Variants in EXD3 observed in about 807,000 individuals in gnomAD.
EXD3 encodes exonuclease 3'-5' domain containing 3, also known as exonuclease mut-7 homolog.
Under a neutral mutation model 98.0 loss-of-function variants are expected in EXD3, and 92 were observed. The observed-to-expected ratio is 0.94, with a 90% CI of 0.79 to 1.12. The LOEUF (loss-of-function observed/expected upper bound fraction) is 1.12. Among genes scored for constraint, EXD3 ranks in the 50% most tolerant of loss-of-function variants. EXD3 has a pLI of 0.00. For missense variants in EXD3, 1,222 were observed against 1,191.6 expected, an observed-to-expected ratio of 1.03 and a Z score of -0.38; for synonymous variants, 569 against 526.0, an observed-to-expected ratio of 1.08 and a Z score of -1.12.
chr9:137,307,255 G>A lies in EXD3; in HGVS notation c.2326C>T (p.Pro776Ser). ...GTGCAGCCCTCAGGGGCTGCGTCTG[G>A]GGCTGGGCCTGGACAGATAGAAGTG... Reference protein sequence around the residue: ...SQAVQEPGPAPDAAPEGCTYD... With the variant: ...SQAVQEPGPASDAAPEGCTYD... The change falls in exon 22 of 22, where the codon CCA becomes TCA. Residue 776 changes from proline to serine, a missense_variant. Pro to Ser is a moderately conservative substitution (Grantham distance 74, BLOSUM62 -1). Transcript: ENST00000340951. The A allele has an allele frequency of 6.5e-7, 1 of 1,535,352 alleles. No individual in the cohort carries two copies. The highest frequency in any genetic ancestry group is 8.7e-7 in the Non-Finnish European group (1 of 1,143,128).
chr9:137,372,428 G>A (rs988827888), intron 5 of EXD3, among the ~76,000 whole-genome samples: 7 of 152,328 alleles, frequency 4.6e-5, no homozygotes, highest in Admixed American at 1.3e-4. Context: ...CTCTGGGAGC[G>A]TTTCCTTCCA....
At chr9:137,381,103 C>T (rs1188658446) in intron 3 of EXD3, 1 of 139,554 alleles carries the variant, frequency 7.2e-6, no homozygotes, top group East Asian at 2.2e-4. Flanking sequence ...CTGTCTCACA[C>T]ACACACACAC....
At chr9:137,404,636 G>A (rs1272151862) in intron 1 of EXD3, among the ~76,000 whole-genome samples, 1 of 152,196 alleles carries the variant, frequency 6.6e-6, no homozygotes, top group Non-Finnish European at 1.5e-5. Flanking sequence ...CAAGGCCGGA[G>A]GATCACCTGA....
intron 1 of EXD3, among the ~76,000 whole-genome samples, chr9:137,415,524 T>C (rs1838197759): frequency 6.6e-6 from 1 of 152,180 alleles, no homozygotes; most frequent in African/African-American, 2.4e-5. Context: ...ACCTTCCCTG[T>C]TCACCGTGTT....
At chr9:137,337,841 G>A (rs1281056816) in intron 17 of EXD3, among the ~76,000 whole-genome samples, 1 of 151,582 alleles carries the variant, frequency 6.6e-6, no homozygotes, top group Non-Finnish European at 1.5e-5. Context: ...AGGCTGGAGT[G>A]CAGTGACGCA....
chr9:137,353,141 G>A lies in EXD3; in HGVS notation c.871-355C>T, dbSNP rs377233007. ...CCTTCCCGGCCTCCAAGCCTCCACCGGCCCTCCTGGCCTCCAAGCCTCTGC... is the reference window on the plus strand; with the variant it reads ...CCTTCCCGGCCTCCAAGCCTCCACCAGCCCTCCTGGCCTCCAAGCCTCTGC... On this transcript the variant is annotated intron_variant, in intron 10 of 21. Transcript: ENST00000340951. 145 of 981,582 alleles carry A rather than the reference G, an allele frequency of 1.5e-4. No homozygotes were observed. In the Middle Eastern group the frequency reaches 1.6e-3, roughly 11 times the overall value. 60.8% of individuals were successfully genotyped at this position (981,582 alleles called of 1,614,324 possible). A position where few individuals can be genotyped will look rare whatever the true frequency, so the allele number is the denominator to read the frequency against.
intron 16 of EXD3, among the ~76,000 whole-genome samples, chr9:137,348,759 G>C (rs111333749): frequency 9.8e-6 from 1 of 101,926 alleles, no homozygotes; most frequent in East Asian, 3.8e-4. Flanking sequence ...GGAGGGGTTA[G>C]ATAGAGAGGG....
intron 19 of EXD3, among the ~76,000 whole-genome samples, chr9:137,317,740 G>A (rs1037950785): frequency 1.3e-5 from 2 of 152,128 alleles, no homozygotes; most frequent in East Asian, 1.9e-4. Flanking sequence ...AGCCCCCTCA[G>A]GTGCCATCAC....
intron 17 of EXD3, among the ~76,000 whole-genome samples, chr9:137,341,214 G>A (rs1295884791): frequency 2.0e-5 from 3 of 152,226 alleles, no homozygotes; most frequent in Non-Finnish European, 4.4e-5. Context: ...CTACTCAGGA[G>A]GCTGAGTTGG....
intron 11 of EXD3, among the ~76,000 whole-genome samples, 183 bp downstream of exon 11, chr9:137,352,437 C>T (rs1400770917): frequency 6.6e-6 from 1 of 152,186 alleles, no homozygotes; most frequent in East Asian, 1.9e-4. Flanking sequence ...ATGGATCTGG[C>T]AGCAGAGGAG....
At position 137,352,767 on chromosome 9, in the gene EXD3, G is replaced by A. The variant is rs750497413; in HGVS notation, c.890C>T (p.Pro297Leu). Residue 297 changes from proline to leucine, a missense_variant, in exon 11 of 22, where the codon CCG (proline) becomes CTG (leucine). Coordinates refer to ENST00000340951, the MANE Select transcript of EXD3 (RefSeq NM_017820.5). ...DHVQGLVGQS[P>L]WLQEQLSQLL... The stretch of plus-strand genomic sequence containing the variant: ...CTGAGACAGCTGCTCCTGAAGCCAC[G>A]GGCTCTGCCCCACCAGGCCCTGTGA... 13 of 1,581,200 alleles carry A rather than the reference G, an allele frequency of 8.2e-6. No individual in the cohort carries two copies. The highest frequency in any genetic ancestry group is 1.1e-5 in the Non-Finnish European group (13 of 1,165,528).
At chr9:137,322,398 A>C (rs1461717307) in intron 19 of EXD3, among the ~76,000 whole-genome samples, 1 of 143,012 alleles carries the variant, frequency 7.0e-6, no homozygotes, top group Non-Finnish European at 1.5e-5. Context: ...CTCTGCCAAC[A>C]TCTCACCCCA....
chr9:137,310,588 C>G (rs1180876280), intron 19 of EXD3, among the ~76,000 whole-genome samples: 4 of 152,154 alleles, frequency 2.6e-5, no homozygotes, highest in Non-Finnish European at 5.9e-5. Flanking sequence ...GGGGTGGGGG[C>G]AGGGAGGCCG....
At chr9:137,327,425 G>C (rs1377866709) in intron 17 of EXD3, among the ~76,000 whole-genome samples, 1 of 152,116 alleles carries the variant, frequency 6.6e-6, no homozygotes, top group Admixed American at 6.5e-5. Context: ...GAGCCACCGC[G>C]CCCGGCCAGT....
intron 1 of EXD3, among the ~76,000 whole-genome samples, chr9:137,420,707 G>A (rs1293260087): frequency 2.0e-5 from 3 of 147,908 alleles, no homozygotes; most frequent in Non-Finnish European, 3.0e-5. Context: ...GGAACTTCAA[G>A]ATAGTTTGGG....
Position 137,395,476 on chromosome 9 carries a change from GC to G in EXD3, c.-47-73del. 1 of 1,433,416 alleles carries G rather than the reference GC, an allele frequency of 7.0e-7. No individual in the cohort carries two copies. Among genetic ancestry groups the G allele is most frequent in the Non-Finnish European group, 9.6e-7 (1 of 1,042,700 alleles). The allele number at this position is 1,433,416 out of a possible 1,614,324, so 88.8% of individuals were successfully genotyped here. On this transcript the variant is annotated intron_variant, in intron 1 of 21. Coordinates refer to ENST00000340951, the MANE Select transcript of EXD3 (RefSeq NM_017820.5). This position sits in a 1 kb window ranked among gnomAD's most constrained non-coding sequence, Gnocchi z 6.5. ...CAGCCATGCAGAGCCCACGCCCACAGCCCCTGGAGGTGGTGGAGGGAGCTGG... is the reference window on the plus strand; with the variant it reads ...CAGCCATGCAGAGCCCACGCCCACAGCCCTGGAGGTGGTGGAGGGAGCTGG...
intron 1 of EXD3, among the ~76,000 whole-genome samples, chr9:137,399,985 G>T (rs1837402811): frequency 6.9e-6 from 1 of 145,038 alleles, no homozygotes; most frequent in African/African-American, 2.6e-5. Context: ...AGCTGAGACT[G>T]CACCATTGCA....
At chr9:137,350,710 G>C (rs1355735527) in intron 14 of EXD3, among the ~76,000 whole-genome samples, 3 of 151,930 alleles carry the variant, frequency 2.0e-5, no homozygotes, top group East Asian at 1.9e-4. Context: ...GGGATCACGG[G>C]GAGGGGGCTA....
chr9:137,334,252 T>C (rs1833244732), intron 17 of EXD3, among the ~76,000 whole-genome samples: 1 of 152,232 alleles, frequency 6.6e-6, no homozygotes, highest in Admixed American at 6.5e-5. Context: ...TCCGCCCACC[T>C]CTGCCTCTCA....
Sources: allele counts gnomAD v4.1 joint callset (sites outside exome capture counted in the v4.1 genomes callset), GRCh38; gene constraint gnomAD v4.1.1; non-coding constraint Gnocchi (gnomAD v3.1); transcripts MANE v1.5; gene names NCBI Gene and HGNC (gene_info 2026-07-23, HGNC 2026-07-21).